Variants in PHLDB2 observed in about 807,000 individuals in gnomAD.
PHLDB2 encodes the protein pleckstrin homology-like domain family B member 2.
PHLDB2 carries 71 observed loss-of-function variants against 123.6 expected under a neutral mutation model. The observed-to-expected ratio is 0.57, with a 90% CI of 0.47 to 0.70. PHLDB2 has a LOEUF of 0.70. PHLDB2 is among the 30% of genes least tolerant of loss of function. PHLDB2 has a pLI of 0.00. For synonymous variants in PHLDB2, 547 were observed against 541.6 expected (o/e 1.01, Z -0.14); for missense variants, 1,446 against 1,519.5 (o/e 0.95, Z 0.80).
chr3:111,773,696 TTAAA>T (rs1422721490), intron 1 of PHLDB2, among the ~76,000 whole-genome samples: 1 of 152,240 alleles, frequency 6.6e-6, no homozygotes, highest in African/African-American at 2.4e-5. Flanking sequence ...CTTTTGTTGA[TTAAA>T]TAAATAAACA....
At chr3:111,920,906 A>G (rs1394776649) in intron 5 of PHLDB2, among the ~76,000 whole-genome samples, 1 of 152,188 alleles carries the variant, frequency 6.6e-6, no homozygotes, top group East Asian at 1.9e-4. Context: ...TTGCCTTGCT[A>G]TTGTTTTCAA....
At chr3:111,802,275 AG>A (rs1337520409) in intron 1 of PHLDB2, among the ~76,000 whole-genome samples, 1 of 152,232 alleles carries the variant, frequency 6.6e-6, no homozygotes, top group East Asian at 1.9e-4. Context: ...GTGTAAACAC[AG>A]TGGTGGCTGC....
intron 1 of PHLDB2, among the ~76,000 whole-genome samples, chr3:111,812,509 G>A (rs2061886237): frequency 6.6e-6 from 1 of 152,196 alleles, no homozygotes; most frequent in Non-Finnish European, 1.5e-5. Context: ...ACTTTGGAAG[G>A]AATCAGTGAA....
At chr3:111,945,794 G>A (rs966887044) in intron 9 of PHLDB2, among the ~76,000 whole-genome samples, 35 of 151,870 alleles carry the variant, frequency 2.3e-4, no homozygotes, top group African/African-American at 8.2e-4. Context: ...AAGGTGGTCT[G>A]GTTTCTTTCT....
intron 1 of PHLDB2, among the ~76,000 whole-genome samples, chr3:111,868,151 C>T (rs2065172438): frequency 6.6e-6 from 1 of 152,002 alleles, no homozygotes. Context: ...TCCTGAGTAG[C>T]TGGAAATACA....
chr3:111,848,915 A>G (rs1167568275), intron 2 of PHLDB2, among the ~76,000 whole-genome samples: 4 of 152,240 alleles, frequency 2.6e-5, no homozygotes, highest in African/African-American at 9.6e-5. Flanking sequence ...GTTATGCCAT[A>G]TAGACTGGGT....
chr3:111,794,541 A>G (rs1472019576), intron 1 of PHLDB2, among the ~76,000 whole-genome samples: 2 of 152,190 alleles, frequency 1.3e-5, no homozygotes, highest in African/African-American at 4.8e-5. Flanking sequence ...TACAGTGGGG[A>G]CAATTGCTGG....
At chr3:111,774,369 A>G (rs1220787669) in intron 1 of PHLDB2, among the ~76,000 whole-genome samples, 1 of 152,234 alleles carries the variant, frequency 6.6e-6, no homozygotes, top group Non-Finnish European at 1.5e-5. Context: ...AAAGTCAGAC[A>G]GAAAAAAAAT....
intron 13 of PHLDB2, 28 bp downstream of exon 13, chr3:111,962,340 T>C: frequency 6.3e-7 from 1 of 1,586,808 alleles, no homozygotes; most frequent in South Asian, 1.2e-5. Context: ...GTAAGGTTTC[T>C]GGTTTGGAAA....
chr3:111,766,886 C>T (rs1264949107), intron 1 of PHLDB2, among the ~76,000 whole-genome samples: 1 of 151,884 alleles, frequency 6.6e-6, no homozygotes, highest in Non-Finnish European at 1.5e-5. Context: ...TACAAAATTA[C>T]CAGGTGTGGT....
At chr3:111,773,337 A>C (rs1310731939) in intron 1 of PHLDB2, among the ~76,000 whole-genome samples, 1 of 152,162 alleles carries the variant, frequency 6.6e-6, no homozygotes, top group Non-Finnish European at 1.5e-5. Context: ...AAAGTATGAG[A>C]GCTATTGCAT....
chr3:111,959,629 C>A (rs111676555), intron 12 of PHLDB2, among the ~76,000 whole-genome samples: 114 of 152,272 alleles, frequency 7.5e-4, no homozygotes, highest in Middle Eastern at 3.4e-3. Flanking sequence ...ATGTAGCTGG[C>A]CCTTCTACAT....
intron 11 of PHLDB2, 174 bp from the exon 12 acceptor site, chr3:111,953,756 T>G: frequency 2.0e-6 from 1 of 506,790 alleles, no homozygotes; most frequent in Non-Finnish European, 3.5e-6. Context: ...CTGGAACTTC[T>G]CGGGAGGGCC....
At chr3:111,946,310 C>A (rs2070306647) in intron 9 of PHLDB2, among the ~76,000 whole-genome samples, 1 of 152,212 alleles carries the variant, frequency 6.6e-6, no homozygotes, top group Non-Finnish European at 1.5e-5. Context: ...GCGTGAGCCA[C>A]TGTGCCCAGC....
intron 1 of PHLDB2, among the ~76,000 whole-genome samples, chr3:111,827,490 A>C (rs1045398752): frequency 6.6e-6 from 1 of 152,142 alleles, no homozygotes; most frequent in Non-Finnish European, 1.5e-5. Context: ...CCTAGCTAAC[A>C]CGGTGAAACC....
At chr3:111,848,304 C>T (rs2064096603) in intron 2 of PHLDB2, among the ~76,000 whole-genome samples, 1 of 152,058 alleles carries the variant, frequency 6.6e-6, no homozygotes, top group South Asian at 2.1e-4. Context: ...GTAAGGTTAC[C>T]CCCCGCCACC....
At chr3:111,861,829 GGTT>G (rs1403922200) in intron 1 of PHLDB2, among the ~76,000 whole-genome samples, 6 of 152,172 alleles carry the variant, frequency 3.9e-5, no homozygotes, top group Admixed American at 2.0e-4. Context: ...ACCAATCTCT[GGTT>G]TTCCCTATTT....
At position 111,816,131 on chromosome 3, in the gene PHLDB2, A is replaced by T. The variant is rs111265298; in HGVS notation, c.-48-29690A>T. On this transcript the variant is annotated intron_variant, in intron 1 of 17. Coordinates refer to the PHLDB2 transcript ENST00000393923. ...GAAAACACTTGGATGCCCATGCAGAAGTTTGCTGCCAGGGTGGGGCCCTCA... is the reference window on the plus strand; with the variant it reads ...GAAAACACTTGGATGCCCATGCAGATGTTTGCTGCCAGGGTGGGGCCCTCA... Among the ~76,000 whole-genome samples the T allele has an allele frequency of 2.9e-3, 448 of 152,328 alleles. 3 individuals are homozygous for T. Among genetic ancestry groups the T allele is most frequent in the African/African-American group, 0.01 (430 of 41,570 alleles).
intron 1 of PHLDB2, among the ~76,000 whole-genome samples, chr3:111,755,075 G>A (rs1268839802): frequency 7.3e-5 from 11 of 151,358 alleles, no homozygotes; most frequent in South Asian, 4.2e-4. Flanking sequence ...GAGGATTTTC[G>A]CATCAATGTT....
Sources: allele counts gnomAD v4.1 joint callset (sites outside exome capture counted in the v4.1 genomes callset), GRCh38; gene constraint gnomAD v4.1.1; transcripts MANE v1.5; gene names NCBI Gene and HGNC (gene_info 2026-07-23, HGNC 2026-07-21).